ZNF726: variants seen among roughly 807,000 people sequenced by gnomAD.
The protein encoded by ZNF726 is zinc finger protein 726.
ZNF726 carries 15 observed loss-of-function variants against 11.6 expected under a neutral mutation model. That is an observed-to-expected ratio of 1.29 (90% confidence interval 0.86 to 1.99). ZNF726 has a LOEUF of 1.99. Among genes scored for constraint, ZNF726 ranks in the 30% most tolerant of loss-of-function variants. The pLI, the probability that ZNF726 is intolerant of heterozygous loss-of-function variation, is 0.00. For synonymous variants in ZNF726, 295 were observed against 243.6 expected (o/e 1.21, Z -1.96); for missense variants, 890 against 725.6 (o/e 1.23, Z -2.60).
intron 1 of ZNF726, among the ~76,000 whole-genome samples, 169 bp downstream of exon 1, chr19:23,915,166 T>C (rs1447621643): frequency 6.6e-6 from 1 of 152,176 alleles, no homozygotes; most frequent in Non-Finnish European, 1.5e-5. Flanking sequence ...GCGGCTGCGC[T>C]GACAGCCGGG....
downstream of ZNF726, among the ~76,000 whole-genome samples, chr19:23,937,383 T>G (rs112606657): frequency 2.1e-5 from 3 of 143,910 alleles, no homozygotes; most frequent in Non-Finnish European, 4.6e-5. Context: ...TCCTCACTTC[T>G]CAGACGGGGT....
At chr19:23,938,319 GTGTT>G (rs1381341545), downstream of ZNF726, among the ~76,000 whole-genome samples, 1 of 152,090 alleles carries the variant, frequency 6.6e-6, no homozygotes, top group Non-Finnish European at 1.5e-5. Flanking sequence ...ATTATGGAGT[GTGTT>G]TGTGTTAGTG....
At chr19:23,943,153 T>G (rs988851782) in intron 3 of ZNF726, among the ~76,000 whole-genome samples, 1 of 152,176 alleles carries the variant, frequency 6.6e-6, no homozygotes, top group African/African-American at 2.4e-5. Flanking sequence ...TCTGAGTAGC[T>G]AGGACTACAA....
Position 23,933,004 on chromosome 19 carries a change from AC to A in ZNF726, c.891del (p.Ser298GlnfsTer3), listed in dbSNP as rs1568380282. On this transcript the variant is annotated frameshift_variant, in exon 4 of 4. Coordinates refer to ENST00000594466, the MANE Select transcript of ZNF726 (RefSeq NM_001244038.2). LOFTEE classifies it low-confidence loss of function (END_TRUNC). The part of the protein sequence containing the change: ...CEECGKAFSQ[P>X]SALTIHKRMH... The stretch of plus-strand genomic sequence containing the variant: ...AAGAATGTGGCAAAGCATTTAGCCA[AC>A]CCTCAGCACTAACCATACATAAGAG... The A allele has an allele frequency of 6.2e-7, 1 of 1,612,284 alleles. No individual in the cohort carries two copies. The highest frequency in any genetic ancestry group is 1.7e-5 in the Admixed American group (1 of 59,888).
chr19:23,919,456 T>C lies in ZNF726; in HGVS notation c.87T>C (p.Tyr29=), dbSNP rs539064124. 1.4e-5 allele frequency: 22 copies of C among 1,607,432 alleles called. No homozygotes were observed. The highest frequency in any genetic ancestry group is 1.3e-4 in the Admixed American group (8 of 59,680). The change falls in exon 2 of 4, where the codon TAT becomes TAC. Residue 29 remains tyrosine, a synonymous_variant. Coordinates refer to ENST00000594466, the MANE Select transcript of ZNF726 (RefSeq NM_001244038.2). ...TGGACACTGCACAGAAGAATTTATATAGGAATGTGATGTTAGAGAACTACA... is the reference window on the plus strand; with the variant it reads ...TGGACACTGCACAGAAGAATTTATACAGGAATGTGATGTTAGAGAACTACA... The part of the protein sequence containing the change: ...QCLDTAQKNL[Y]RNVMLENYRN...
chr19:23,933,536 A>T lies in ZNF726; in HGVS notation c.1420A>T (p.Met474Leu), dbSNP rs773349783. ...CTCAGCCCTAACTACACATAAGAGG[A>T]TGCACACTGGAGAGAAACCCTACAA... Reference protein sequence around the residue: ...RSSALTTHKRMHTGEKPYKCE... With the variant: ...RSSALTTHKRLHTGEKPYKCE... Residue 474 changes from methionine (M) to leucine (L), a missense_variant, in exon 4 of 4, where the codon ATG (methionine) becomes TTG (leucine). By Grantham distance (15) the Met-to-Leu change is conservative. Transcript: ENST00000594466. 1.7e-5 allele frequency: 28 copies of T among 1,612,780 alleles called. No homozygotes were observed. In the Admixed American group the frequency reaches 3.2e-4, roughly 18 times the overall value.
downstream of ZNF726, among the ~76,000 whole-genome samples, chr19:23,939,236 C>T (rs574316417): frequency 1.9e-4 from 29 of 152,010 alleles, no homozygotes; most frequent in Non-Finnish European, 3.4e-4. Context: ...TTTTCCATTC[C>T]TCAGTTACTT....
chr19:23,927,474 A>G lies in ZNF726; in HGVS notation c.227-4869A>G, dbSNP rs180726834. Among the ~76,000 whole-genome samples, 36 of 151,862 alleles carry G rather than the reference A, an allele frequency of 2.4e-4. No homozygotes were observed. The East Asian group carries it at 6.8e-3, about 29-fold the overall frequency. On this transcript the variant is annotated intron_variant, in intron 3 of 3. Coordinates refer to ENST00000594466, the MANE Select transcript of ZNF726 (RefSeq NM_001244038.2). ...GTGTAATTTTGGTCTTCTTAAATTT[A>G]TTTGTTATTGTTGTGTTTGTTGTGG... is the stretch of plus-strand genomic sequence containing the variant.
intron 3 of ZNF726, chr19:23,920,806 GCTTT>G (rs1568375026): frequency 1.3e-5 from 2 of 149,234 alleles, no homozygotes; most frequent in African/African-American, 4.9e-5. Flanking sequence ...TTTTTTTCTT[GCTTT>G]CTTTTTTTTT....
chr19:23,935,208 A>T, downstream of ZNF726: 1 of 436,780 alleles, frequency 2.3e-6, no homozygotes, highest in Non-Finnish European at 4.7e-6. Context: ...TCACAGGGGC[A>T]GGTTTCCCAT....
At chr19:23,923,903 T>C (rs944429936) in intron 3 of ZNF726, 2 of 152,500 alleles carry the variant, frequency 1.3e-5, no homozygotes, top group East Asian at 1.9e-4. Context: ...TTATGTTTTG[T>C]ATACTTTAAG....
chr19:23,924,887 G>A (rs1041205130), intron 3 of ZNF726, among the ~76,000 whole-genome samples: 2 of 138,514 alleles, frequency 1.4e-5, no homozygotes, highest in Non-Finnish European at 3.1e-5. Context: ...TTGAGACCTT[G>A]TCTTAAAAAA....
intron 3 of ZNF726, among the ~76,000 whole-genome samples, chr19:23,931,366 C>T (rs533106998): frequency 1.1e-4 from 16 of 152,202 alleles, no homozygotes; most frequent in Admixed American, 8.5e-4. Context: ...CCACAGTTTC[C>T]GTTTTTATGA....
chr19:23,929,829 TAA>T (rs889520314), intron 3 of ZNF726, among the ~76,000 whole-genome samples: 3 of 152,194 alleles, frequency 2.0e-5, no homozygotes, highest in African/African-American at 7.2e-5. Context: ...AGAATAGCTT[TAA>T]GAGTTATATG....
chr19:23,926,307 C>T (rs903153551), intron 3 of ZNF726, among the ~76,000 whole-genome samples: 3 of 151,934 alleles, frequency 2.0e-5, no homozygotes, highest in South Asian at 2.1e-4. Flanking sequence ...GTAATCCCAG[C>T]GCTTTGAGAG....
intron 3 of ZNF726, among the ~76,000 whole-genome samples, chr19:23,926,581 A>C (rs1967994294): frequency 6.6e-6 from 1 of 151,866 alleles, no homozygotes; most frequent in African/African-American, 2.4e-5. Flanking sequence ...AAAAAAAAAA[A>C]AAAAAAAAGT....
At chr19:23,944,164 T>C (rs1277603456) in intron 4 of ZNF726, 1 of 152,202 alleles carries the variant, frequency 6.6e-6, no homozygotes, top group Admixed American at 6.5e-5. Flanking sequence ...CATGTGTATA[T>C]ATTTGCTGGC....
At chr19:23,917,390 CAG>C (rs1349499339) in intron 1 of ZNF726, among the ~76,000 whole-genome samples, 1 of 151,906 alleles carries the variant, frequency 6.6e-6, no homozygotes, top group Non-Finnish European at 1.5e-5. Context: ...TTATCTTTCT[CAG>C]AGTGAGTTTA....
chr19:23,943,469 A>ATATTACTTTT, intron 3 of ZNF726: 1 of 582,906 alleles, frequency 1.7e-6, no homozygotes, highest in Non-Finnish European at 3.2e-6. Flanking sequence ...CCAGCAAGTC[A>ATATTACTTTT]TATTACTTTT....
Sources: allele counts gnomAD v4.1 joint callset (sites outside exome capture counted in the v4.1 genomes callset), GRCh38; gene constraint gnomAD v4.1.1; transcripts MANE v1.5; gene names NCBI Gene and HGNC (gene_info 2026-07-23, HGNC 2026-07-21).